ACOT12: variants seen among roughly 807,000 people sequenced by gnomAD.
ACOT12 encodes the protein acyl-CoA thioesterase 12, also known as acetyl-coenzyme A thioesterase.
ACOT12 carries 51 observed loss-of-function variants against 67.7 expected under a neutral mutation model. The ratio of observed to expected loss-of-function variants is 0.75; its 90% CI spans 0.60 to 0.95. The LOEUF (loss-of-function observed/expected upper bound fraction) is 0.95, where lower values mean the gene tolerates loss of function less well. Ranked by LOEUF, ACOT12 falls within the 40% of genes least tolerant of loss-of-function variation. The pLI is 0.00. For synonymous variants in ACOT12, 251 were observed against 244.6 expected, an observed-to-expected ratio of 1.03 and a Z score of -0.24; for missense variants, 734 against 708.1, an observed-to-expected ratio of 1.04 and a Z score of -0.41.
At chr5:81,316,538 T>C in the ACOT12 span, among the ~76,000 whole-genome samples, 1 of 152,240 alleles carries the variant, frequency 6.6e-6, no homozygotes, top group Non-Finnish European at 1.5e-5. Flanking sequence ...CACTTTTTGG[T>C]TATTATTAAC....
At chr5:81,376,350 A>G (rs1258270795) in intron 2 of ACOT12, among the ~76,000 whole-genome samples, 1 of 151,788 alleles carries the variant, frequency 6.6e-6, no homozygotes, top group African/African-American at 2.4e-5. Flanking sequence ...GTGTGTAGAG[A>G]GAAATTTATA....
rs189199969 is a variant in ACOT12 at position 81,347,729 on chromosome 5, C to G, written c.653+45G>C. 1.2e-4 allele frequency: 194 copies of G among 1,598,320 alleles called. No homozygotes were observed. In the East Asian group the frequency reaches 4.3e-3, roughly 35 times the overall value. ...GGATCTCAGTCCCTTTCTACTTTCT[C>G]CTCACTGGTCCCAAAATCATAGGCC... On this transcript the variant is annotated intron_variant, in intron 6 of 14. Coordinates refer to ENST00000307624, the MANE Select transcript of ACOT12 (RefSeq NM_130767.3).
At chr5:81,393,372 G>T (rs999139525) in intron 1 of ACOT12, among the ~76,000 whole-genome samples, 2 of 151,962 alleles carry the variant, frequency 1.3e-5, no homozygotes, top group African/African-American at 4.8e-5. Flanking sequence ...TTTCCATTAC[G>T]GTAAATGTGA....
intron 2 of ACOT12, among the ~76,000 whole-genome samples, chr5:81,383,701 T>C (rs1760650865): frequency 6.6e-6 from 1 of 151,932 alleles, no homozygotes; most frequent in South Asian, 2.1e-4. Context: ...TGTATGTGTT[T>C]GTGTCATTGT....
intron 4 of ACOT12, among the ~76,000 whole-genome samples, chr5:81,362,559 G>A (rs952213228): frequency 5.3e-5 from 8 of 152,096 alleles, no homozygotes; most frequent in South Asian, 4.2e-4. Context: ...GCTGCCCCTC[G>A]CAAAGGAATG....
At chr5:81,337,182 G>A (rs191196357) in intron 11 of ACOT12, among the ~76,000 whole-genome samples, 7 of 152,160 alleles carry the variant, frequency 4.6e-5, no homozygotes, top group Non-Finnish European at 7.3e-5. Context: ...TCATCCAATC[G>A]GTGGTTGGTA....
chr5:81,343,654 G>C (rs535515162), intron 10 of ACOT12, among the ~76,000 whole-genome samples, 164 bp downstream of exon 10: 2 of 152,356 alleles, frequency 1.3e-5, no homozygotes, highest in East Asian at 3.9e-4. Context: ...TTGGTAAGCA[G>C]TAACTGATAG....
At chr5:81,367,081 G>A (rs1760103245) in intron 3 of ACOT12, among the ~76,000 whole-genome samples, 1 of 152,140 alleles carries the variant, frequency 6.6e-6, no homozygotes, top group Non-Finnish European at 1.5e-5. Flanking sequence ...TAAGTCTGCT[G>A]CCAGGCTAGA....
At chr5:81,373,862 T>C (rs1306549698) in intron 2 of ACOT12, among the ~76,000 whole-genome samples, 1 of 151,960 alleles carries the variant, frequency 6.6e-6, no homozygotes. Context: ...AAAGGCAGCA[T>C]CTCCCTGGGA....
chr5:81,369,234 C>G (rs1238504198), intron 3 of ACOT12, among the ~76,000 whole-genome samples: 2 of 151,700 alleles, frequency 1.3e-5, no homozygotes, highest in Non-Finnish European at 2.9e-5. Flanking sequence ...TAATGCATCA[C>G]ACACCTTCCA....
chr5:81,351,902 C>G, intron 5 of ACOT12, among the ~76,000 whole-genome samples: 1 of 152,018 alleles, frequency 6.6e-6, no homozygotes, highest in African/African-American at 2.4e-5. Context: ...TTAAACAGCA[C>G]TATAGGAAAA....
chr5:81,312,127 G>C, the ACOT12 span, among the ~76,000 whole-genome samples: 1 of 152,162 alleles, frequency 6.6e-6, no homozygotes, highest in Non-Finnish European at 1.5e-5. Flanking sequence ...TCTCCCTCCT[G>C]GGAGGATTGC....
At chr5:81,335,637 G>T in intron 12 of ACOT12, 131 bp downstream of exon 12, 1 of 1,162,198 alleles carries the variant, frequency 8.6e-7, no homozygotes, top group Non-Finnish European at 1.2e-6. Context: ...GTGCTATGCT[G>T]GGTCAAACTT....
At chr5:81,323,643 T>C in the ACOT12 span, among the ~76,000 whole-genome samples, 1 of 152,036 alleles carries the variant, frequency 6.6e-6, no homozygotes, top group South Asian at 2.1e-4. Flanking sequence ...AATCATCTAA[T>C]GTACCACGCA....
the ACOT12 span, among the ~76,000 whole-genome samples, chr5:81,322,469 A>AAAAC: frequency 7.8e-3 from 1 of 128 alleles, no homozygotes; most frequent in Non-Finnish European, 0.029. Flanking sequence ...AAAAATAAAC[A>AAAAC]AAAAAAAAAC....
chr5:81,311,110 G>C, the ACOT12 span: 6 of 1,177,808 alleles, frequency 5.1e-6, no homozygotes, highest in Non-Finnish European at 7.6e-6. Flanking sequence ...CTTTACAACT[G>C]ACAGGGTTGT....
chr5:81,382,446 G>C (rs1044925676), intron 2 of ACOT12, among the ~76,000 whole-genome samples: 2 of 152,194 alleles, frequency 1.3e-5, no homozygotes, highest in African/African-American at 4.8e-5. Flanking sequence ...GGGACTTAGG[G>C]ATTAAACTGA....
At chr5:81,314,087 G>T in the ACOT12 span, among the ~76,000 whole-genome samples, 10 of 152,044 alleles carry the variant, frequency 6.6e-5, no homozygotes, top group Admixed American at 1.3e-4. Flanking sequence ...GTCTTTTTTG[G>T]ATTACTTTTT....
In ACOT12 at chr5:81,330,784, A is replaced by G. The variant is rs756785801; in HGVS notation, c.1518+30T>C. 45 of 1,605,350 alleles carry G rather than the reference A, an allele frequency of 2.8e-5. 1 individual carries two copies. In the South Asian group the frequency reaches 4.7e-4, roughly 17 times the overall value. On this transcript the variant is annotated intron_variant, in intron 14 of 14. Coordinates refer to ENST00000307624, the MANE Select transcript of ACOT12 (RefSeq NM_130767.3). ...GATTTTTCGCTATCTGGCAGAGCCAATTAATCTGCAGATGTTTCATCAAAC... is the reference window on the plus strand; with the variant it reads ...GATTTTTCGCTATCTGGCAGAGCCAGTTAATCTGCAGATGTTTCATCAAAC...
Sources: allele counts gnomAD v4.1 joint callset (sites outside exome capture counted in the v4.1 genomes callset), GRCh38; gene constraint gnomAD v4.1.1; transcripts MANE v1.5; gene names NCBI Gene and HGNC (gene_info 2026-07-23, HGNC 2026-07-21).